Variants in ZNF366 observed in about 807,000 individuals in gnomAD.
ZNF366 encodes zinc finger protein 366.
A neutral mutation model predicts 47.2 loss-of-function variants in ZNF366; 20 were observed. The ratio of observed to expected loss-of-function variants is 0.42; its 90% CI spans 0.30 to 0.62. The LOEUF (loss-of-function observed/expected upper bound fraction) is 0.62. Ranked by LOEUF, ZNF366 falls within the 20% of genes least tolerant of loss-of-function variation. The pLI, the probability that ZNF366 is intolerant of heterozygous loss-of-function variation, is 0.16. For missense variants in ZNF366, 987 were observed against 976.3 expected (o/e 1.01, Z -0.15); for synonymous variants, 421 against 395.1 (o/e 1.07, Z -0.78).
chr5:72,459,673 A>G (rs1210656790), intron 2 of ZNF366, among the ~76,000 whole-genome samples: 2 of 152,222 alleles, frequency 1.3e-5, no homozygotes, highest in African/African-American at 4.8e-5. Flanking sequence ...GAGAACTTGC[A>G]TATGAAGCAG....
chr5:72,467,804 G>A (rs1016797690), intron 1 of ZNF366, among the ~76,000 whole-genome samples: 1 of 152,164 alleles, frequency 6.6e-6, no homozygotes, highest in African/African-American at 2.4e-5. Flanking sequence ...TAATATGAGA[G>A]TGGCAGTTTA....
intron 1 of ZNF366, among the ~76,000 whole-genome samples, chr5:72,469,387 C>T (rs1479508731): frequency 1.3e-5 from 2 of 152,102 alleles, no homozygotes; most frequent in Non-Finnish European, 2.9e-5. Flanking sequence ...ACAAAAAATG[C>T]TATTCTGCAC....
chr5:72,490,110 C>G (rs1743975884), intron 1 of ZNF366, among the ~76,000 whole-genome samples: 1 of 152,210 alleles, frequency 6.6e-6, no homozygotes, highest in Admixed American at 6.5e-5. Flanking sequence ...CCCTTCCCTT[C>G]CTCCACAAGT....
chr5:72,457,147 A>G (rs528813680), intron 2 of ZNF366, among the ~76,000 whole-genome samples: 68 of 152,212 alleles, frequency 4.5e-4, no homozygotes, highest in Non-Finnish European at 8.2e-4. Context: ...GGGTTCCCAC[A>G]GGCCACACTG....
chr5:72,455,603 G>A (rs992029067), intron 3 of ZNF366, among the ~76,000 whole-genome samples: 2 of 152,206 alleles, frequency 1.3e-5, no homozygotes, highest in Non-Finnish European at 2.9e-5. Context: ...ACACTCTTGT[G>A]GGGTGGGGAC....
In ZNF366 at chr5:72,440,069, A is replaced by G. The variant is rs565905162; in HGVS notation, c.*3687T>C. The G allele has an allele frequency of 6.6e-6, 1 of 152,346 alleles. No homozygotes were observed. The highest frequency in any genetic ancestry group is 1.9e-4 in the East Asian group (1 of 5,188). The allele number at this position is 152,346 out of a possible 1,614,324, so 9.4% of individuals were successfully genotyped here. On this transcript the variant is annotated 3_prime_UTR_variant, in exon 5 of 5. Coordinates refer to ENST00000318442, the MANE Select transcript of ZNF366 (RefSeq NM_152625.3). The stretch of plus-strand genomic sequence containing the variant: ...CAAGCCAGAGTTCTGTACAAAATCA[A>G]CATTTGGTGTAATGTTGTCCAAATA...
In ZNF366 at chr5:72,483,811, A is replaced by T. The variant is rs1423551688; in HGVS notation, c.-14-22301T>A. On this transcript the variant is annotated intron_variant, in intron 1 of 4. Coordinates refer to ENST00000318442, the MANE Select transcript of ZNF366 (RefSeq NM_152625.3). Reference sequence around the variant, plus strand: ...GCCTGGGGCTTCATCCCACTGGAGTATTAAGTAAGAATCATGTGCTCCTGG... The same window carrying T: ...GCCTGGGGCTTCATCCCACTGGAGTTTTAAGTAAGAATCATGTGCTCCTGG... Among the ~76,000 whole-genome samples, 4 of 152,178 alleles carry T rather than the reference A, an allele frequency of 2.6e-5. No individual in the cohort carries two copies. The East Asian group carries it at 7.7e-4, about 29-fold the overall frequency.
At chr5:72,504,471 C>T (rs1744283032) in intron 1 of ZNF366, among the ~76,000 whole-genome samples, 2 of 152,210 alleles carry the variant, frequency 1.3e-5, no homozygotes, top group Admixed American at 6.5e-5. Context: ...CTGCATTGAG[C>T]TGTGTTGAAT....
chr5:72,448,632 C>A (rs1743004698), intron 3 of ZNF366, among the ~76,000 whole-genome samples: 1 of 152,118 alleles, frequency 6.6e-6, no homozygotes, highest in South Asian at 2.1e-4. Context: ...TGAGAGAGGC[C>A]ACAGAGACAC....
chr5:72,479,022 T>C (rs1192212660), intron 1 of ZNF366, among the ~76,000 whole-genome samples: 1 of 152,260 alleles, frequency 6.6e-6, no homozygotes, highest in Non-Finnish European at 1.5e-5. Flanking sequence ...ACTTCTGTTC[T>C]AGTTTCAAAT....
chr5:72,457,130 G>A (rs1195837026), intron 2 of ZNF366, among the ~76,000 whole-genome samples: 1 of 152,064 alleles, frequency 6.6e-6, no homozygotes, highest in Non-Finnish European at 1.5e-5. Flanking sequence ...TCTCAAGTTG[G>A]TCCCCTGGGT....
Position 72,489,309 on chromosome 5 carries a change from C to T in ZNF366, c.-15+17942G>A, listed in dbSNP as rs935133019. 2.0e-5 allele frequency among the ~76,000 whole-genome samples: 3 copies of T among 152,128 alleles called. No individual in the cohort carries two copies. The South Asian group carries it at 6.2e-4, about 31-fold the overall frequency. On this transcript the variant is annotated intron_variant, in intron 1 of 4. Transcript: ENST00000318442. ...CCTGAAACATTTCAGATAACAGTTACTCTGTCAGTCTAGGGCCCAAAGGTA... is the reference window on the plus strand; with the variant it reads ...CCTGAAACATTTCAGATAACAGTTATTCTGTCAGTCTAGGGCCCAAAGGTA...
At chr5:72,468,675 G>T (rs1353604071) in intron 1 of ZNF366, among the ~76,000 whole-genome samples, 1 of 152,152 alleles carries the variant, frequency 6.6e-6, no homozygotes, top group Non-Finnish European at 1.5e-5. Flanking sequence ...AAATGGATGT[G>T]GGTTTCATTT....
intron 1 of ZNF366, among the ~76,000 whole-genome samples, chr5:72,485,991 A>T (rs1190543504): frequency 3.3e-5 from 5 of 152,162 alleles, no homozygotes; most frequent in Admixed American, 3.3e-4. Context: ...GTCTGAAGTG[A>T]GGCCACCCGA....
At position 72,460,595 on chromosome 5, in the gene ZNF366, A is replaced by T. The variant is rs200972180; in HGVS notation, c.902T>A (p.Leu301Gln). 4.3e-6 allele frequency: 7 copies of T among 1,614,126 alleles called. No homozygotes were observed. In the Admixed American group the frequency reaches 5.0e-5, roughly 12 times the overall value. The change falls in exon 2 of 5, where the codon CTG becomes CAG. Residue 301 changes from leucine to glutamine, a missense_variant. Leu to Gln is a moderately radical substitution (Grantham distance 113). Coordinates refer to ENST00000318442, the MANE Select transcript of ZNF366 (RefSeq NM_152625.3). ...KQLSHLHTHM[L>Q]THQGTRPHKC... ...GTGGGGCCGCGTGCCCTGGTGGGTC[A>T]GCATGTGGGTATGCAGGTGGCTGAG...
intron 1 of ZNF366, among the ~76,000 whole-genome samples, chr5:72,464,196 G>A (rs931529964): frequency 4.6e-5 from 7 of 152,118 alleles, no homozygotes; most frequent in Admixed American, 2.6e-4. Flanking sequence ...GGGCCAAAAC[G>A]TACTGAGTTT....
intron 3 of ZNF366, among the ~76,000 whole-genome samples, chr5:72,453,128 G>A (rs1743108861): frequency 6.6e-6 from 1 of 152,202 alleles, no homozygotes. Flanking sequence ...CTGCGTGCTA[G>A]GGACAGCTGT....
rs115481553 is a variant in ZNF366, at chr5:72,470,274, C to A, written c.-14-8764G>T. Among the ~76,000 whole-genome samples, 803 of 152,282 alleles carry A rather than the reference C, an allele frequency of 5.3e-3. 5 individuals are homozygous for A. Among genetic ancestry groups the A allele is most frequent in the African/African-American group, 0.019 (779 of 41,556 alleles). ...GCCAAATCCTAAGTTGCCATGGCCC[C>A]ACCAGATGCTGCTCTCCCATGCAGC... is the stretch of plus-strand genomic sequence containing the variant. On this transcript the variant is annotated intron_variant, in intron 1 of 4. Coordinates refer to ENST00000318442, the MANE Select transcript of ZNF366 (RefSeq NM_152625.3).
intron 1 of ZNF366, among the ~76,000 whole-genome samples, chr5:72,485,379 C>G (rs1743872062): frequency 6.6e-6 from 1 of 152,316 alleles, no homozygotes; most frequent in Non-Finnish European, 1.5e-5. Flanking sequence ...CCTGCCTGCT[C>G]TAGCTGTGTC....
Sources: gnomAD v4.1 joint callset for allele counts (sites outside exome capture counted in the v4.1 genomes callset) on GRCh38, gnomAD v4.1.1 for gene constraint, MANE v1.5 for transcripts, NCBI Gene and HGNC (gene_info 2026-07-23, HGNC 2026-07-21) for gene names.